Variants in KATNAL1 observed in about 807,000 individuals in gnomAD.
KATNAL1 encodes the protein katanin p60 ATPase-containing subunit A-like 1.
A neutral mutation model predicts 55.2 loss-of-function variants in KATNAL1; 32 were observed. The ratio of observed to expected loss-of-function variants is 0.58; its 90% confidence interval spans 0.44 to 0.78. KATNAL1 has a LOEUF of 0.78. Among genes scored for constraint, KATNAL1 ranks in the 30% least tolerant of loss-of-function variants. The pLI is 0.00. For missense variants in KATNAL1, 466 were observed against 600.9 expected (o/e 0.78, Z 2.35); for synonymous variants, 193 against 193.6 (o/e 1.00, Z 0.02).
chr13:30,249,710 T>C (rs1352213854), intron 4 of KATNAL1, among the ~76,000 whole-genome samples: 1 of 152,168 alleles, frequency 6.6e-6, no homozygotes, highest in African/African-American at 2.4e-5. Flanking sequence ...GTGGTTACCT[T>C]TGGGAAAGAG....
chr13:30,282,175 T>C (rs1327408293), intron 2 of KATNAL1, among the ~76,000 whole-genome samples: 1 of 102,920 alleles, frequency 9.7e-6, no homozygotes, highest in East Asian at 2.4e-4. Context: ...ATTCAAGTTT[T>C]TAACTGTCTT....
intron 1 of KATNAL1, among the ~76,000 whole-genome samples, chr13:30,290,711 T>C (rs1468394965): frequency 6.6e-6 from 1 of 152,028 alleles, no homozygotes; most frequent in Non-Finnish European, 1.5e-5. Flanking sequence ...GCTAATCAAA[T>C]CCAGCAATAT....
intron 1 of KATNAL1, among the ~76,000 whole-genome samples, chr13:30,304,829 A>C (rs1478580754): frequency 6.6e-6 from 1 of 152,188 alleles, no homozygotes; most frequent in Admixed American, 6.5e-5. Context: ...GCTCCTCCTC[A>C]TCTCAATCAA....
At chr13:30,232,121 CAT>C (rs1239499254) in intron 6 of KATNAL1, among the ~76,000 whole-genome samples, 1 of 152,040 alleles carries the variant, frequency 6.6e-6, no homozygotes, top group African/African-American at 2.4e-5. Flanking sequence ...TGAAAACAAA[CAT>C]AAAAGTATTC....
At chr13:30,226,144 TG>T (rs1476890714) in intron 9 of KATNAL1, among the ~76,000 whole-genome samples, 1 of 152,170 alleles carries the variant, frequency 6.6e-6, no homozygotes, top group Non-Finnish European at 1.5e-5. Flanking sequence ...GGCAAGGATA[TG>T]GAAGTATTTG....
chr13:30,228,436 G>C (rs1044531827), intron 8 of KATNAL1, among the ~76,000 whole-genome samples: 1 of 151,832 alleles, frequency 6.6e-6, no homozygotes, highest in Admixed American at 6.6e-5. Context: ...CTCCTACTTC[G>C]GTCATTATGA....
intron 3 of KATNAL1, among the ~76,000 whole-genome samples, chr13:30,266,949 G>T (rs371567451): frequency 2.2e-4 from 33 of 152,278 alleles, no homozygotes; most frequent in Middle Eastern, 3.4e-3. Context: ...TATTTAAGCT[G>T]GGATATTGAG....
At position 30,260,355 on chromosome 13, in the gene KATNAL1, G is replaced by A. The variant is rs183409323; in HGVS notation, c.324-4740C>T. 1.8e-4 allele frequency among the ~76,000 whole-genome samples: 28 copies of A among 152,326 alleles called. No individual in the cohort carries two copies. In the East Asian group the frequency reaches 2.5e-3, roughly 14 times the overall value. ...AGGAATGCAGTTCCTCACCAGCAACGCAACAAAGCTGGACGGAGAATGACT... is the reference window on the plus strand; with the variant it reads ...AGGAATGCAGTTCCTCACCAGCAACACAACAAAGCTGGACGGAGAATGACT... On this transcript the variant is annotated intron_variant, in intron 3 of 10. Coordinates refer to ENST00000380615, the MANE Select transcript of KATNAL1 (RefSeq NM_032116.5).
rs1453208080 is a variant in KATNAL1, at chr13:30,204,489, T to C, written c.*4051A>G. 6.6e-6 allele frequency: 1 copy of C among 152,224 alleles called. No individual in the cohort carries two copies. Among genetic ancestry groups the C allele is most frequent in the African/African-American group, 2.4e-5 (1 of 41,462 alleles). 9.4% of individuals were successfully genotyped at this position (152,224 alleles called of 1,614,324 possible). A position where few individuals can be genotyped will look rare whatever the true frequency, so the allele number is the denominator to read the frequency against. ...GCTGGTTAGTGTTTTATGATTCTCA[T>C]CACACATTTAGCAGTGTATATAAAA... is the stretch of plus-strand genomic sequence containing the variant. On this transcript the variant is annotated 3_prime_UTR_variant, in exon 11 of 11. Transcript: ENST00000380615.
intron 6 of KATNAL1, among the ~76,000 whole-genome samples, chr13:30,235,004 G>A (rs1315809619): frequency 6.6e-6 from 1 of 152,178 alleles, no homozygotes; most frequent in Non-Finnish European, 1.5e-5. Flanking sequence ...CCAACCATGT[G>A]ATTAGAGAGC....
In KATNAL1 at chr13:30,218,227, T is replaced by TATAA. The variant is rs1555258842; in HGVS notation, c.1148-7786_1148-7785insTTAT. On this transcript the variant is annotated intron_variant, in intron 9 of 10. Transcript: ENST00000380615. ...AGGAATATATATATATATATATATA[T>TATAA]AAAGGACCTGACCCTGATGTAATAG... Among the ~76,000 whole-genome samples, 140 of 145,258 alleles carry TATAA rather than the reference T, an allele frequency of 9.6e-4. 1 individual carries two copies. The highest frequency in any genetic ancestry group is 3.6e-3 in the Middle Eastern group (1 of 280).
At chr13:30,243,702 T>C in intron 4 of KATNAL1, among the ~76,000 whole-genome samples, 1 of 151,654 alleles carries the variant, frequency 6.6e-6, no homozygotes, top group East Asian at 1.9e-4. Context: ...CAATAGATTC[T>C]GTCCAACAGA....
At chr13:30,209,986 G>A (rs1873513301) in intron 10 of KATNAL1, among the ~76,000 whole-genome samples, 1 of 151,970 alleles carries the variant, frequency 6.6e-6, no homozygotes, top group Non-Finnish European at 1.5e-5. Context: ...GTTTCACCGT[G>A]TTAGCCAGGA....
intron 9 of KATNAL1, among the ~76,000 whole-genome samples, chr13:30,218,474 C>A (rs1017219784): frequency 6.6e-6 from 1 of 152,108 alleles, no homozygotes; most frequent in African/African-American, 2.4e-5. Context: ...TTGACTACAG[C>A]AAATTGTATT....
At chr13:30,269,200 G>T (rs1052505423) in intron 3 of KATNAL1, among the ~76,000 whole-genome samples, 1 of 152,182 alleles carries the variant, frequency 6.6e-6, no homozygotes, top group African/African-American at 2.4e-5. Context: ...TCCTGCCTCA[G>T]CCTGCTGAGT....
chr13:30,248,122 G>A (rs1350548138), intron 4 of KATNAL1, among the ~76,000 whole-genome samples: 1 of 152,172 alleles, frequency 6.6e-6, no homozygotes, highest in Non-Finnish European at 1.5e-5. Flanking sequence ...TGGCAAGGCT[G>A]AAATACAGAA....
chr13:30,261,576 G>C (rs1188569009), intron 3 of KATNAL1, among the ~76,000 whole-genome samples: 2 of 152,088 alleles, frequency 1.3e-5, no homozygotes, highest in Non-Finnish European at 2.9e-5. Context: ...CCTAGTCTCT[G>C]ATAAAACAGA....
At chr13:30,214,795 C>T (rs1419955519) in intron 9 of KATNAL1, among the ~76,000 whole-genome samples, 49 of 151,614 alleles carry the variant, frequency 3.2e-4, no homozygotes, top group East Asian at 1.6e-3. Flanking sequence ...AAGACTTAAA[C>T]GTTAGACCTA....
Position 30,208,531 on chromosome 13 carries a change from G to A in KATNAL1, c.*9C>T. 2 of 1,493,016 alleles carry A rather than the reference G, an allele frequency of 1.3e-6. No individual in the cohort carries two copies. Among genetic ancestry groups the A allele is most frequent in the East Asian group, 2.5e-5 (1 of 40,726 alleles). 92.5% of individuals were successfully genotyped at this position (1,493,016 alleles called of 1,614,324 possible). ...CAAAAATACCAGAAATTAAAGAGCT[G>A]ACAGAAATTCAAGCAGATCCAAATT... is the stretch of plus-strand genomic sequence containing the variant. On this transcript the variant is annotated 3_prime_UTR_variant, in exon 11 of 11. Transcript: ENST00000380615.
Sources: gnomAD v4.1 joint callset for allele counts (sites outside exome capture counted in the v4.1 genomes callset) on GRCh38, gnomAD v4.1.1 for gene constraint, MANE v1.5 for transcripts, NCBI Gene and HGNC (gene_info 2026-07-23, HGNC 2026-07-21) for gene names.